SLC17A7: variants seen among roughly 807,000 people sequenced by gnomAD.
SLC17A7 encodes solute carrier family 17 member 7, also known as vesicular glutamate transporter 1.
A neutral mutation model predicts 59.1 loss-of-function variants in SLC17A7; 15 were observed. The ratio of observed to expected loss-of-function variants is 0.25; its 90% CI spans 0.17 to 0.39. SLC17A7 has a LOEUF of 0.39. Ranked by LOEUF, SLC17A7 falls within the 10% of genes least tolerant of loss-of-function variation. SLC17A7 has a pLI of 1.00. For synonymous variants in SLC17A7, 353 were observed against 308.9 expected (o/e 1.14, Z -1.50); for missense variants, 499 against 765.1 (o/e 0.65, Z 4.10).
chr19:49,440,664 T>C (rs919601509), intron 1 of SLC17A7, among the ~76,000 whole-genome samples: 1 of 152,190 alleles, frequency 6.6e-6, no homozygotes, highest in Admixed American at 6.5e-5. Context: ...CCCAATCCGC[T>C]TTAGCTGCAG....
rs1465688740 is a variant in SLC17A7 at position 49,435,194 on chromosome 19, A to G, written c.408T>C (p.Phe136=). ...GYIVTQIPGG[F]ICQKFAANRV... is the part of the protein sequence containing the mutation. Reference sequence around the variant, plus strand: ...TGTTGGCTGCAAATTTTTGACAGATAAATCCTCCTGGAATCTGAGTGACAA... The same window carrying G: ...TGTTGGCTGCAAATTTTTGACAGATGAATCCTCCTGGAATCTGAGTGACAA... The change falls in exon 3 of 12, where the codon TTT becomes TTC. Residue 136 remains phenylalanine, a synonymous_variant. Coordinates refer to ENST00000221485, the MANE Select transcript of SLC17A7 (RefSeq NM_020309.4). The G allele has an allele frequency of 6.2e-7, 1 of 1,614,032 alleles. No homozygotes were observed. The highest frequency in any genetic ancestry group is 8.5e-7 in the Non-Finnish European group (1 of 1,179,990).
In SLC17A7 at chr19:49,432,396, A is replaced by T. The variant is rs1215983999; in HGVS notation, c.1150+123T>A. ...CACCCTGTTGGCCACGGCCCTTTGCATAGAAAGGGACTCCTGGGGCAGGCT... is the reference window on the plus strand; with the variant it reads ...CACCCTGTTGGCCACGGCCCTTTGCTTAGAAAGGGACTCCTGGGGCAGGCT... On this transcript the variant is annotated intron_variant, in intron 9 of 11. Coordinates refer to ENST00000221485, the MANE Select transcript of SLC17A7 (RefSeq NM_020309.4). 2.2e-6 allele frequency: 3 copies of T among 1,338,756 alleles called. No homozygotes were observed. In the East Asian group the frequency reaches 7.6e-5, roughly 34 times the overall value. The allele number at this position is 1,338,756 out of a possible 1,614,324, so 82.9% of individuals were successfully genotyped here. A position where few individuals can be genotyped will look rare whatever the true frequency, so the allele number is the denominator to read the frequency against.
chr19:49,430,417 G>C lies in SLC17A7; in HGVS notation c.*102C>G. 1 of 832,920 alleles carries C rather than the reference G, an allele frequency of 1.2e-6. No individual in the cohort carries two copies. The allele number at this position is 832,920 out of a possible 1,614,324, so 51.6% of individuals were successfully genotyped here. On this transcript the variant is annotated 3_prime_UTR_variant, in exon 12 of 12. Transcript: ENST00000221485. ...ACAAGGGAGAGTGCTTCTTAGGCCT[G>C]AGGCAGGACAGAGAGGAGCAGGGTT...
chr19:49,439,137 A>C (rs2078990502), intron 1 of SLC17A7, among the ~76,000 whole-genome samples: 1 of 152,024 alleles, frequency 6.6e-6, no homozygotes, highest in Non-Finnish European at 1.5e-5. Flanking sequence ...TTAGGAGGCC[A>C]TTACCCCAAA....
In SLC17A7 at chr19:49,436,711, C is replaced by T; in HGVS notation, c.153G>A (p.Val51=). The T allele has an allele frequency of 1.2e-6, 2 of 1,613,104 alleles. No individual in the cohort carries two copies. Among genetic ancestry groups the T allele is most frequent in the Non-Finnish European group, 1.7e-6 (2 of 1,179,962 alleles). The change falls in exon 2 of 12, where the codon GTG becomes GTA. Residue 51 remains valine (V), a synonymous_variant. Coordinates refer to ENST00000221485, the MANE Select transcript of SLC17A7 (RefSeq NM_020309.4). The surrounding 1 kb of genome is among the most constrained non-coding windows in gnomAD (Gnocchi z 4.1). ...GGAGGCCGAAGCAGGTGCAGTCCAC[C>T]ACCGGCGGGTCCCGGGTCTGCGTGG... is the stretch of plus-strand genomic sequence containing the variant. The part of the protein sequence containing the change: ...PVTTQTRDPP[V]VDCTCFGLPR...
At chr19:49,437,045 C>G (rs1227491637) in intron 1 of SLC17A7, 1 of 593,748 alleles carries the variant, frequency 1.7e-6, no homozygotes, top group Non-Finnish European at 3.0e-6. Flanking sequence ...GTCTTCAGTC[C>G]CCCTCTCCCA....
At position 49,441,466 on chromosome 19, in the gene SLC17A7, C is replaced by G. The variant is rs1385556528; in HGVS notation, c.-87G>C. On this transcript the variant is annotated 5_prime_UTR_variant, in exon 1 of 12. Transcript: ENST00000221485. Reference sequence around the variant, plus strand: ...GCCCGGGCGGCCGCGTCCGGGTTCCCGGGGTCCAGCCCCGGCCCGGCCGGC... The same window carrying G: ...GCCCGGGCGGCCGCGTCCGGGTTCCGGGGGTCCAGCCCCGGCCCGGCCGGC... The G allele has an allele frequency of 1.2e-4, 127 of 1,047,108 alleles. No homozygotes were observed. Among genetic ancestry groups the G allele is most frequent in the African/African-American group, 1.5e-4 (3 of 19,734 alleles). 64.9% of individuals were successfully genotyped at this position (1,047,108 alleles called of 1,614,324 possible).
In SLC17A7 at chr19:49,433,707, C is replaced by T; in HGVS notation, c.867+19G>A. On this transcript the variant is annotated intron_variant, in intron 7 of 11. Coordinates refer to ENST00000221485, the MANE Select transcript of SLC17A7 (RefSeq NM_020309.4). The surrounding 1 kb of genome is among the most constrained non-coding windows in gnomAD (Gnocchi z 5.7). ...TTGCTATCTCTCCCCGCCCCTTCCC[C>T]GAAGATTTGGTCCCGGACCGTGAGG... The T allele has an allele frequency of 6.2e-7, 1 of 1,614,124 alleles. No homozygotes were observed. Among genetic ancestry groups the T allele is most frequent in the Admixed American group, 1.7e-5 (1 of 60,026 alleles).
In SLC17A7 at chr19:49,434,792, C is replaced by T. The variant is rs761356445; in HGVS notation, c.525G>A (p.Val175=). ...ARVHYGCVIF[V]RILQGLVEGV... Reference sequence around the variant, plus strand: ...CCTCTACCAACCCCTGCAGGATCCTCACGAAGATGACACAGCCATAGTGGA... The same window carrying T: ...CCTCTACCAACCCCTGCAGGATCCTTACGAAGATGACACAGCCATAGTGGA... Residue 175 remains valine, a synonymous_variant, in exon 4 of 12, where the codon GTG becomes GTA. Transcript: ENST00000221485. 1 of 1,614,162 alleles carries T rather than the reference C, an allele frequency of 6.2e-7. No individual in the cohort carries two copies. The highest frequency in any genetic ancestry group is 8.5e-7 in the Non-Finnish European group (1 of 1,180,038).
rs2078979802 is a variant in SLC17A7 at position 49,436,449 on chromosome 19, C to A, written c.315+100G>T. On this transcript the variant is annotated intron_variant, in intron 2 of 11. Coordinates refer to ENST00000221485, the MANE Select transcript of SLC17A7 (RefSeq NM_020309.4). The surrounding 1 kb of genome is among the most constrained non-coding windows in gnomAD (Gnocchi z 4.1). ...TATTCCGACAGCGTTTCGGAAGGGG[C>A]GTGGCCTGGACGTCTGGTGGGTGAG... The A allele has an allele frequency of 6.8e-6, 10 of 1,474,134 alleles. No homozygotes were observed. The South Asian group carries it at 1.1e-4, about 17-fold the overall frequency. 91.3% of individuals were successfully genotyped at this position (1,474,134 alleles called of 1,614,324 possible).
rs375196318 is a variant in SLC17A7, at chr19:49,436,732, C to A, written c.132G>T (p.Thr44=). The change falls in exon 2 of 12, where the codon ACG becomes ACT. Residue 44 remains threonine (T), a synonymous_variant. Transcript: ENST00000221485. This position sits in a 1 kb window ranked among gnomAD's most constrained non-coding sequence, Gnocchi z 4.1. ...ELSADGRPVT[T]QTRDPPVVDC... The stretch of plus-strand genomic sequence containing the variant: ...CCACCACCGGCGGGTCCCGGGTCTG[C>A]GTGGTCACCGGGCGCCCATCCGCAC... 5.2e-5 allele frequency: 84 copies of A among 1,610,820 alleles called. No homozygotes were observed. The highest frequency in any genetic ancestry group is 7.0e-5 in the Non-Finnish European group (83 of 1,179,944).
Position 49,436,293 on chromosome 19 carries a change from G to T in SLC17A7, c.315+256C>A, listed in dbSNP as rs1159690837. ...CCCCTAGGGAACCTGATGTTGGGGC[G>T]GACTCTACATTTTTCAATCAAGCCC... On this transcript the variant is annotated intron_variant, in intron 2 of 11. Transcript: ENST00000221485. This position sits in a 1 kb window ranked among gnomAD's most constrained non-coding sequence, Gnocchi z 4.1. The T allele has an allele frequency of 5.5e-6, 3 of 545,176 alleles. No individual in the cohort carries two copies. The highest frequency in any genetic ancestry group is 9.8e-6 in the Non-Finnish European group (3 of 306,770). 33.8% of individuals were successfully genotyped at this position (545,176 alleles called of 1,614,324 possible). A position where few individuals can be genotyped will look rare whatever the true frequency, so the allele number is the denominator to read the frequency against.
rs1429448025 is a variant in SLC17A7 at position 49,433,940 on chromosome 19, C to A, written c.724+20G>T. ...GCTCCGCCCCAGCGCCACCCGGAAC[C>A]AGGCATCCGGGTCCCTCACCGTAGA... On this transcript the variant is annotated intron_variant, in intron 6 of 11. Transcript: ENST00000221485. This position sits in a 1 kb window ranked among gnomAD's most constrained non-coding sequence, Gnocchi z 5.7. 1 of 1,613,394 alleles carries A rather than the reference C, an allele frequency of 6.2e-7. No individual in the cohort carries two copies. Among genetic ancestry groups the A allele is most frequent in the Non-Finnish European group, 8.5e-7 (1 of 1,179,846 alleles).
At chr19:49,434,506 T>C in intron 5 of SLC17A7, 96 bp downstream of exon 5, 1 of 1,143,766 alleles carries the variant, frequency 8.7e-7, no homozygotes, top group African/African-American at 1.7e-5. Flanking sequence ...GACACAGGAG[T>C]TCAGCCCCCC....
chr19:49,432,981 C>T, intron 7 of SLC17A7, 21 bp from the exon 8 acceptor site: 1 of 1,599,384 alleles, frequency 6.3e-7, no homozygotes, highest in Non-Finnish European at 8.5e-7. Context: ...GAGGGGAGGG[C>T]CGCTAAGACG....
At chr19:49,440,795 G>A (rs1431507046) in intron 1 of SLC17A7, among the ~76,000 whole-genome samples, 2 of 152,150 alleles carry the variant, frequency 1.3e-5, no homozygotes, top group Non-Finnish European at 2.9e-5. Context: ...CAGAGATCCA[G>A]GGAAGAGGAG....
In SLC17A7 at chr19:49,431,075, G is replaced by A. The variant is rs1324748733; in HGVS notation, c.1329C>T (p.Gly443=). ...ACACCATGCCCGACAGTGTGCCCAC[G>A]CCGTTGGAGATGCCCATGAGGATGC... The part of the protein sequence containing the change: ...YASILMGISN[G]VGTLSGMVCP... Residue 443 remains glycine, a synonymous_variant, in exon 11 of 12, where the codon GGC becomes GGT. Coordinates refer to ENST00000221485, the MANE Select transcript of SLC17A7 (RefSeq NM_020309.4). This position sits in a 1 kb window ranked among gnomAD's most constrained non-coding sequence, Gnocchi z 4.6. 6 of 1,613,900 alleles carry A rather than the reference G, an allele frequency of 3.7e-6. 1 individual carries two copies. In the South Asian group the frequency reaches 5.5e-5, roughly 15 times the overall value.
chr19:49,429,478 A>G lies in SLC17A7; in HGVS notation c.*1041T>C. The G allele has an allele frequency of 2.5e-6, 1 of 399,008 alleles. No homozygotes were observed. Among genetic ancestry groups the G allele is most frequent in the Non-Finnish European group, 4.4e-6 (1 of 226,090 alleles). 24.7% of individuals were successfully genotyped at this position (399,008 alleles called of 1,614,324 possible). On this transcript the variant is annotated 3_prime_UTR_variant, in exon 12 of 12. Coordinates refer to ENST00000221485, the MANE Select transcript of SLC17A7 (RefSeq NM_020309.4). ...ACAGAGACAGAGACACAAAGACACA[A>G]CCCTGCACTGGGAAAAAACACCCCT...
Position 49,436,962 on chromosome 19 carries a change from CT to C in SLC17A7, c.63-162del, listed in dbSNP as rs2078982313. On this transcript the variant is annotated intron_variant, in intron 1 of 11. Coordinates refer to ENST00000221485, the MANE Select transcript of SLC17A7 (RefSeq NM_020309.4). The surrounding 1 kb of genome is among the most constrained non-coding windows in gnomAD (Gnocchi z 4.1). The stretch of plus-strand genomic sequence containing the variant: ...CAGGTCCCTGGCTCCCTTCGCCCCC[CT>C]GATCCAGAAATCCTCCATCTCCCTC... The C allele has an allele frequency of 7.4e-6, 8 of 1,076,412 alleles. No homozygotes were observed. Among genetic ancestry groups the C allele is most frequent in the African/African-American group, 1.6e-5 (1 of 62,210 alleles). 66.7% of individuals were successfully genotyped at this position (1,076,412 alleles called of 1,614,324 possible). A position where few individuals can be genotyped will look rare whatever the true frequency, so the allele number is the denominator to read the frequency against.
Sources: gnomAD v4.1 joint callset for allele counts (sites outside exome capture counted in the v4.1 genomes callset) on GRCh38, gnomAD v4.1.1 for gene constraint, Gnocchi (gnomAD v3.1) non-coding constraint, MANE v1.5 for transcripts, NCBI Gene and HGNC (gene_info 2026-07-23, HGNC 2026-07-21) for gene names.